The following KAT6A variants were observed in gnomAD, a reference collection of about 807,000 sequenced individuals.
KAT6A encodes the protein histone acetyltransferase KAT6A.
In KAT6A, 9 loss-of-function variants were observed where a neutral mutation model predicts 198.4. The ratio of observed to expected loss-of-function variants is 0.05; its 90% CI spans 0.03 to 0.08. The LOEUF is 0.08. Among genes scored for constraint, KAT6A ranks in the 10% least tolerant of loss-of-function variants. The pLI is 1.00. For synonymous variants in KAT6A, 890 were observed against 883.0 expected (o/e 1.01, Z -0.14); for missense variants, 2,077 against 2,509.9 (o/e 0.83, Z 3.69).
intron 8 of KAT6A, among the ~76,000 whole-genome samples, chr8:41,973,334 T>A (rs896486235): frequency 1.3e-5 from 2 of 152,064 alleles, no homozygotes; most frequent in Non-Finnish European, 2.9e-5. Flanking sequence ...CAAGTGATTC[T>A]TCTGCCTCAG....
rs1315796608 is a variant in KAT6A, at chr8:42,048,847, C to T, written c.131G>A (p.Arg44His). 4.3e-6 allele frequency: 7 copies of T among 1,614,018 alleles called. No homozygotes were observed. The South Asian group carries it at 5.5e-5, about 13-fold the overall frequency. ...NAVSSSHGLD[R>H]KTVLEQLELS... ...CTCCAATTGTTCTAAAACAGTTTTA[C>T]GATCCAAGCCATGGGATGAAGACAC... Residue 44 changes from arginine to histidine, a missense_variant, in exon 2 of 17, where the codon CGT becomes CAT. Around this residue, in one of 13 missense-constraint regions of KAT6A, gnomAD observed 35 missense variants for 76.6 expected, o/e 0.46. Transcript: ENST00000265713.
In KAT6A at chr8:41,981,873, G is replaced by A. The variant is rs1377210094; in HGVS notation, c.791C>T (p.Thr264Ile). Residue 264 changes from threonine (T) to isoleucine (I), a missense_variant, in exon 4 of 17, where the codon ACA (threonine) becomes ATA (isoleucine). By Grantham distance (89) the Thr-to-Ile change is moderately conservative (BLOSUM62 -1). Coordinates refer to ENST00000265713, the MANE Select transcript of KAT6A (RefSeq NM_006766.5). The part of the protein sequence containing the change: ...ALRWQCIECK[T>I]CSSCRDQGKN... ...GCCTTGATCTCGACAGGAGCTGCAT[G>A]TTTTACACTCGATGCACTGCCACCG... 1.9e-6 allele frequency: 3 copies of A among 1,613,816 alleles called. No homozygotes were observed. The Admixed American group carries it at 5.0e-5, about 27-fold the overall frequency.
intron 8 of KAT6A, 101 bp from the exon 9 acceptor site, chr8:41,955,512 G>A: frequency 1.4e-6 from 1 of 701,498 alleles, no homozygotes; most frequent in South Asian, 1.7e-5. Flanking sequence ...GGACTCCAAA[G>A]GAGTAAAACA....
intron 2 of KAT6A, among the ~76,000 whole-genome samples, chr8:42,006,670 A>C (rs1223823010): frequency 1.3e-5 from 2 of 152,184 alleles, no homozygotes; most frequent in Non-Finnish European, 2.9e-5. Context: ...AGTATAATAA[A>C]TGAAGATATA....
intron 2 of KAT6A, among the ~76,000 whole-genome samples, chr8:42,038,971 T>A (rs565848663): frequency 2.6e-5 from 4 of 152,178 alleles, no homozygotes; most frequent in Non-Finnish European, 5.9e-5. Context: ...TGTTCCCTAA[T>A]GAAGTTGAAA....
At chr8:42,037,736 ATCT>A (rs1217507960) in intron 2 of KAT6A, among the ~76,000 whole-genome samples, 19 of 135,592 alleles carry the variant, frequency 1.4e-4, no homozygotes, top group African/African-American at 4.8e-4. Flanking sequence ...CACACCAGTT[ATCT>A]TCTTCTTAAC....
intron 5 of KAT6A, among the ~76,000 whole-genome samples, chr8:41,979,413 C>T (rs944780449): frequency 6.7e-6 from 1 of 148,168 alleles, no homozygotes; most frequent in Non-Finnish European, 1.5e-5. Flanking sequence ...CTGAGGTGGG[C>T]GGATTACCTG....
At chr8:41,937,114 CT>C in intron 16 of KAT6A, 141 bp downstream of exon 16, 1 of 631,968 alleles carries the variant, frequency 1.6e-6, no homozygotes. Flanking sequence ...CTTGATACAA[CT>C]TTTTAGAGAT....
At chr8:41,947,010 G>C (rs1402184763) in intron 11 of KAT6A, among the ~76,000 whole-genome samples, 2 of 152,218 alleles carry the variant, frequency 1.3e-5, no homozygotes, top group Non-Finnish European at 2.9e-5. Context: ...AGCTACAAAT[G>C]ATGAATCAGT....
chr8:42,017,387 A>C (rs1253305476), intron 2 of KAT6A, among the ~76,000 whole-genome samples: 1 of 152,220 alleles, frequency 6.6e-6, no homozygotes, highest in Non-Finnish European at 1.5e-5. Context: ...GACTATCATA[A>C]TACAGGGAGA....
chr8:42,020,327 T>C (rs758328513), intron 2 of KAT6A, among the ~76,000 whole-genome samples: 35 of 152,344 alleles, frequency 2.3e-4, no homozygotes, highest in Non-Finnish European at 5.0e-4. Context: ...CATTCTAGAC[T>C]GATATCCAAT....
intron 6 of KAT6A, among the ~76,000 whole-genome samples, chr8:41,978,246 G>A (rs775714186): frequency 3.3e-5 from 5 of 152,216 alleles, no homozygotes; most frequent in Non-Finnish European, 5.9e-5. Flanking sequence ...AGAGTGACAT[G>A]TGAAATGTCA....
At position 41,955,367 on chromosome 8, in the gene KAT6A, G is replaced by C. The variant is rs554261770; in HGVS notation, c.1527C>G (p.Pro509=). ...CATACTTCCCAAACTCAATGACAGA[G>C]GGACAGCGGACTTGTGGATCAGGGG... The part of the protein sequence containing the change: ...TGPPDPQVRC[P]SVIEFGKYEI... The change falls in exon 9 of 17, where the codon CCC becomes CCG. Residue 509 remains proline (P), a synonymous_variant. Transcript: ENST00000265713. 9.9e-6 allele frequency: 16 copies of C among 1,613,190 alleles called. No homozygotes were observed. Among genetic ancestry groups the C allele is most frequent in the Non-Finnish European group, 1.4e-5 (16 of 1,179,514 alleles).
chr8:41,937,065 G>A (rs1024955493), intron 16 of KAT6A, among the ~76,000 whole-genome samples, 191 bp downstream of exon 16: 1 of 152,234 alleles, frequency 6.6e-6, no homozygotes, highest in Non-Finnish European at 1.5e-5. Context: ...GAGGTTCTGA[G>A]TTGAAGGGAA....
intron 8 of KAT6A, among the ~76,000 whole-genome samples, chr8:41,963,280 A>G (rs1453655836): frequency 6.6e-6 from 1 of 152,148 alleles, no homozygotes; most frequent in Non-Finnish European, 1.5e-5. Context: ...TCTCCCACCC[A>G]AGGTCTCCTG....
chr8:41,942,844 C>G lies in KAT6A; in HGVS notation c.2385G>C (p.Glu795Asp), dbSNP rs774516596. ...VVSEEEEEEA[E>D]EGENEEPQCQ... is the part of the protein sequence containing the mutation. ...ACTGTGGCTCTTCGTTTTCTCCTTC[C>G]TCAGCCTCCTCTTCTTCCTCCTCTG... Residue 795 changes from glutamate (E) to aspartate (D), a missense_variant, in exon 14 of 17, where the codon GAG becomes GAC. Glu to Asp is a conservative substitution (Grantham distance 45). Around this residue, in one of 13 missense-constraint regions of KAT6A, gnomAD observed 301 missense variants for 272.2 expected, o/e 1.11. Coordinates refer to ENST00000265713, the MANE Select transcript of KAT6A (RefSeq NM_006766.5). 1 of 1,614,122 alleles carries G rather than the reference C, an allele frequency of 6.2e-7. No homozygotes were observed. The highest frequency in any genetic ancestry group is 1.3e-5 in the African/African-American group (1 of 75,036).
At chr8:42,012,570 C>T (rs1459852471) in intron 2 of KAT6A, among the ~76,000 whole-genome samples, 3 of 152,158 alleles carry the variant, frequency 2.0e-5, no homozygotes, top group African/African-American at 7.2e-5. Context: ...CCACCAGAAG[C>T]TCAGAATGCC....
At chr8:42,007,442 C>T (rs1210300276) in intron 2 of KAT6A, among the ~76,000 whole-genome samples, 1 of 152,132 alleles carries the variant, frequency 6.6e-6, no homozygotes, top group Non-Finnish European at 1.5e-5. Context: ...TTCTTACTTT[C>T]AAGGACCTCA....
chr8:42,049,956 T>C (rs1264828983), intron 1 of KAT6A, among the ~76,000 whole-genome samples: 1 of 152,228 alleles, frequency 6.6e-6, no homozygotes, highest in Non-Finnish European at 1.5e-5. Flanking sequence ...ATAATCCACT[T>C]TCATTCAAAT....
Sources: allele counts gnomAD v4.1 joint callset (sites outside exome capture counted in the v4.1 genomes callset), GRCh38; gene constraint gnomAD v4.1.1; regional missense constraint gnomAD v4.1.1; transcripts MANE v1.5; gene names NCBI Gene and HGNC (gene_info 2026-07-23, HGNC 2026-07-21).